The following LINGO2 variants were observed in gnomAD, a reference collection of about 807,000 sequenced individuals.
The protein encoded by LINGO2 is leucine rich repeat and Ig domain containing 2, also known as leucine-rich repeat and immunoglobulin-like domain-containing nogo receptor-interacting protein 2.
A neutral mutation model predicts 30.6 loss-of-function variants in LINGO2; 14 were observed. The observed-to-expected ratio is 0.46, with a 90% CI of 0.30 to 0.72. LINGO2 has a LOEUF of 0.72. LINGO2 is among the 30% of genes least tolerant of loss of function. The pLI is 0.07. For synonymous variants in LINGO2, 317 were observed against 288.5 expected (o/e 1.10, Z -1.00); for missense variants, 729 against 751.7 (o/e 0.97, Z 0.35).
At chr9:29,090,108 T>G in the LINGO2 span, among the ~76,000 whole-genome samples, 31,193 of 151,696 alleles carry the variant, frequency 0.21, 3,411 homozygotes, top group East Asian at 0.41. Flanking sequence ...ATATGGGAGG[T>G]CTTTGTTTAT....
the LINGO2 span, among the ~76,000 whole-genome samples, chr9:28,761,360 C>A: frequency 1.3e-5 from 2 of 151,610 alleles, no homozygotes; most frequent in African/African-American, 4.9e-5. Context: ...CTATTGAGCA[C>A]CCATGGGGAA....
At chr9:28,649,300 T>C (rs915966362) in intron 1 of LINGO2, among the ~76,000 whole-genome samples, 3 of 151,730 alleles carry the variant, frequency 2.0e-5, no homozygotes, top group African/African-American at 7.3e-5. Context: ...GTAGTAACCA[T>C]AGTACATAAT....
the LINGO2 span, among the ~76,000 whole-genome samples, chr9:29,114,267 TTGAG>T: frequency 6.6e-6 from 1 of 151,698 alleles, no homozygotes; most frequent in East Asian, 1.9e-4. Flanking sequence ...CAAAACAATA[TTGAG>T]TGAAAGTACC....
the LINGO2 span, among the ~76,000 whole-genome samples, chr9:29,177,678 T>C: frequency 6.6e-6 from 1 of 152,186 alleles, no homozygotes; most frequent in Non-Finnish European, 1.5e-5. Context: ...ATGATGTTGA[T>C]TCTTCTTTCC....
rs980458125 is a variant in LINGO2, at chr9:28,479,113, C to T, written c.-364-3088G>A. On this transcript the variant is annotated intron_variant, in intron 1 of 5. Transcript: ENST00000379992. ...TATCATTTTGGGCTCTTACTAATGG[C>T]GAGGCACTGTATTAGTGCTTTGTAT... Among the ~76,000 whole-genome samples, 6 of 151,860 alleles carry T rather than the reference C, an allele frequency of 4.0e-5. No individual in the cohort carries two copies. The East Asian group carries it at 5.8e-4, about 15-fold the overall frequency.
chr9:27,966,274 A>T (rs927524632), intron 5 of LINGO2, among the ~76,000 whole-genome samples: 9 of 152,142 alleles, frequency 5.9e-5, no homozygotes, highest in African/African-American at 1.7e-4. Context: ...CAAAGGAGGT[A>T]ATCATACTCA....
intron 1 of LINGO2, among the ~76,000 whole-genome samples, chr9:28,550,782 T>A (rs538176035): frequency 6.6e-6 from 1 of 152,032 alleles, no homozygotes; most frequent in South Asian, 2.1e-4. Flanking sequence ...TAAGGAGTCA[T>A]ATAAAATAAT....
chr9:28,355,363 C>CTGTGTGTGTG (rs61656726), intron 3 of LINGO2, among the ~76,000 whole-genome samples: 6 of 115,334 alleles, frequency 5.2e-5, no homozygotes, highest in Admixed American at 1.8e-4. Context: ...CTCCCTCCCT[C>CTGTGTGTGTG]TGTGTGTGTG....
intron 4 of LINGO2, among the ~76,000 whole-genome samples, chr9:28,047,117 C>T (rs1335587066): frequency 6.6e-6 from 1 of 152,124 alleles, no homozygotes; most frequent in South Asian, 2.1e-4. Context: ...AGTGGCTTAA[C>T]ATGTGGTCAG....
At chr9:28,314,236 G>T (rs531133707) in intron 3 of LINGO2, among the ~76,000 whole-genome samples, 56 of 152,122 alleles carry the variant, frequency 3.7e-4, no homozygotes, top group South Asian at 2.5e-3. Context: ...GCCCGGCCGA[G>T]AATTGATTTT....
the LINGO2 span, among the ~76,000 whole-genome samples, chr9:28,698,620 GTTTTT>G: frequency 1.3e-5 from 2 of 151,072 alleles, no homozygotes; most frequent in South Asian, 4.2e-4. Context: ...TGTGTGTGTG[GTTTTT>G]TTTTAAGAGT....
chr9:28,867,851 G>C, the LINGO2 span, among the ~76,000 whole-genome samples: 4 of 151,942 alleles, frequency 2.6e-5, no homozygotes, highest in African/African-American at 9.7e-5. Context: ...ATAGAGAAAA[G>C]AAAATTAGGT....
Position 28,245,371 on chromosome 9 carries a change from C to T in LINGO2, c.-87+49837G>A, listed in dbSNP as rs144197482. On this transcript the variant is annotated intron_variant, in intron 4 of 5. Coordinates refer to ENST00000379992, the Ensembl canonical transcript of LINGO2. Reference sequence around the variant, plus strand: ...ATACTAAATGGGCTAAAGCTGGAAGCGTTCCCTTTGAAAACTGGCACAAGG... The same window carrying T: ...ATACTAAATGGGCTAAAGCTGGAAGTGTTCCCTTTGAAAACTGGCACAAGG... Among the ~76,000 whole-genome samples the T allele has an allele frequency of 6.2e-3, 951 of 152,248 alleles. 4 individuals carry two copies. The highest frequency in any genetic ancestry group is 8.5e-3 in the Non-Finnish European group (576 of 68,016).
chr9:28,469,418 G>T (rs1409802778), intron 2 of LINGO2, among the ~76,000 whole-genome samples: 1 of 152,068 alleles, frequency 6.6e-6, no homozygotes, highest in Non-Finnish European at 1.5e-5. Context: ...AGAAATAATG[G>T]CTGAAAACTT....
chr9:28,617,153 A>G (rs1161117252), intron 1 of LINGO2, among the ~76,000 whole-genome samples: 1 of 152,194 alleles, frequency 6.6e-6, no homozygotes, highest in Admixed American at 6.5e-5. Flanking sequence ...ATAACATATT[A>G]AAACCATCTT....
intron 4 of LINGO2, among the ~76,000 whole-genome samples, chr9:28,056,081 T>C (rs1337900753): frequency 2.0e-5 from 3 of 152,134 alleles, no homozygotes; most frequent in Admixed American, 6.6e-5. Flanking sequence ...AGAAAGGAGC[T>C]CCCCGCTTTC....
chr9:28,590,569 A>T (rs932009851), intron 1 of LINGO2, among the ~76,000 whole-genome samples: 1 of 152,182 alleles, frequency 6.6e-6, no homozygotes, highest in African/African-American at 2.4e-5. Context: ...GCTCATCATC[A>T]CTGGCCATCA....
chr9:27,968,276 T>G (rs572883107), intron 5 of LINGO2, among the ~76,000 whole-genome samples: 2 of 152,226 alleles, frequency 1.3e-5, no homozygotes, highest in South Asian at 4.1e-4. Context: ...CTTTATTACA[T>G]TATTTTATAT....
intron 2 of LINGO2, among the ~76,000 whole-genome samples, chr9:28,454,929 C>T (rs942391129): frequency 2.0e-5 from 3 of 151,936 alleles, no homozygotes; most frequent in African/African-American, 7.2e-5. Flanking sequence ...TAATGTGATA[C>T]ATTTTTGACA....
Sources: allele counts gnomAD v4.1 joint callset (sites outside exome capture counted in the v4.1 genomes callset), GRCh38; gene constraint gnomAD v4.1.1; transcripts MANE v1.5; gene names NCBI Gene and HGNC (gene_info 2026-07-23, HGNC 2026-07-21).